NXPH3: variants seen among roughly 807,000 people sequenced by gnomAD.
NXPH3 encodes neurexophilin-3.
NXPH3 carries 7 observed loss-of-function variants against 18.8 expected under a neutral mutation model. That is an observed-to-expected ratio of 0.37 (90% CI 0.21 to 0.70). The LOEUF is 0.70. Among genes scored for constraint, NXPH3 ranks in the 30% least tolerant of loss-of-function variants. The pLI, the probability that NXPH3 is intolerant of heterozygous loss-of-function variation, is 0.53. For synonymous variants in NXPH3, 101 were observed against 137.3 expected (o/e 0.74, Z 1.85); for missense variants, 282 against 338.1 (o/e 0.83, Z 1.30).
In NXPH3 at chr17:49,579,196, G is replaced by C. The variant is rs753400852; in HGVS notation, c.655G>C (p.Val219Leu). 6.2e-7 allele frequency: 1 copy of C among 1,611,384 alleles called. No homozygotes were observed. The highest frequency in any genetic ancestry group is 2.2e-5 in the East Asian group (1 of 44,888). Residue 219 changes from valine to leucine, a missense_variant, in exon 2 of 2, where the codon GTC becomes CTC. Val to Leu is a conservative substitution (Grantham distance 32, BLOSUM62 1). Coordinates refer to ENST00000328741, the MANE Select transcript of NXPH3 (RefSeq NM_007225.4). The surrounding 1 kb of genome is among the most constrained non-coding windows in gnomAD (Gnocchi z 6.0). ...GAGCTGCTCCCAGCCCTTCAAAGTC[G>C]TCTGTGTCTACATCGCCTTCTACAG... is the stretch of plus-strand genomic sequence containing the variant. ...TWSCSQPFKV[V>L]CVYIAFYSTD...
Position 49,581,682 on chromosome 17 carries a change from C to A in NXPH3, c.*2382C>A. The A allele has an allele frequency of 1.4e-6, 1 of 702,612 alleles. No homozygotes were observed. The highest frequency in any genetic ancestry group is 2.6e-6 in the Non-Finnish European group (1 of 385,006). 43.5% of individuals were successfully genotyped at this position (702,612 alleles called of 1,614,324 possible). On this transcript the variant is annotated 3_prime_UTR_variant, in exon 2 of 2. Transcript: ENST00000328741. ...GGAGCAGCCCACCAATGGACACCCA[C>A]CGTGTGCCGTTCAGCCTCCCACAGT... is the stretch of plus-strand genomic sequence containing the variant.
rs1282405300 is a variant in NXPH3, at chr17:49,578,299, C to T, written c.55-297C>T. 6.6e-6 allele frequency among the ~76,000 whole-genome samples: 1 copy of T among 151,874 alleles called. No individual in the cohort carries two copies. The highest frequency in any genetic ancestry group is 1.5e-5 in the Non-Finnish European group (1 of 67,998). ...CTGGGGACTCCCTAGGGGTAGGAGC[C>T]GTTGTCCCTGGTGCCACAGTTCACT... On this transcript the variant is annotated intron_variant, in intron 1 of 1. Coordinates refer to ENST00000328741, the MANE Select transcript of NXPH3 (RefSeq NM_007225.4). This position sits in a 1 kb window ranked among gnomAD's most constrained non-coding sequence, Gnocchi z 4.5.
rs2071586187 is a variant in NXPH3 at position 49,579,048 on chromosome 17, C to T, written c.507C>T (p.Ala169=). The change falls in exon 2 of 2, where the codon GCC becomes GCT. Residue 169 remains alanine, a synonymous_variant. Coordinates refer to ENST00000328741, the MANE Select transcript of NXPH3 (RefSeq NM_007225.4). The surrounding 1 kb of genome is among the most constrained non-coding windows in gnomAD (Gnocchi z 6.0). ...AGCAGATCTTCATCGAAGCCAAGGCCTCCAAAATCTTCAACTGCCGGATGG... is the reference window on the plus strand; with the variant it reads ...AGCAGATCTTCATCGAAGCCAAGGCTTCCAAAATCTTCAACTGCCGGATGG... ...QEQQIFIEAK[A]SKIFNCRMEW... 3 of 1,614,028 alleles carry T rather than the reference C, an allele frequency of 1.9e-6. No individual in the cohort carries two copies. The highest frequency in any genetic ancestry group is 1.7e-5 in the Admixed American group (1 of 60,002).
Position 49,578,505 on chromosome 17 carries a change from G to A in NXPH3, c.55-91G>A, listed in dbSNP as rs1400486051. 21 of 1,034,448 alleles carry A rather than the reference G, an allele frequency of 2.0e-5. No homozygotes were observed. Among genetic ancestry groups the A allele is most frequent in the Non-Finnish European group, 3.0e-5 (21 of 711,434 alleles). The allele number at this position is 1,034,448 out of a possible 1,614,324, so 64.1% of individuals were successfully genotyped here. A position where few individuals can be genotyped will look rare whatever the true frequency, so the allele number is the denominator to read the frequency against. ...GCAGGAGCTCCTCACCCAGGTCAGA[G>A]TGAAGTGGCAGGGACAGGGGTACTG... On this transcript the variant is annotated intron_variant, in intron 1 of 1. Coordinates refer to ENST00000328741, the MANE Select transcript of NXPH3 (RefSeq NM_007225.4). This position sits in a 1 kb window ranked among gnomAD's most constrained non-coding sequence, Gnocchi z 4.5.
Position 49,576,110 on chromosome 17 carries a change from G to T in NXPH3, c.-110G>T. 1.4e-6 allele frequency: 2 copies of T among 1,388,202 alleles called. No individual in the cohort carries two copies. Among genetic ancestry groups the T allele is most frequent in the Non-Finnish European group, 2.0e-6 (2 of 1,007,050 alleles). 86.0% of individuals were successfully genotyped at this position (1,388,202 alleles called of 1,614,324 possible). A position where few individuals can be genotyped will look rare whatever the true frequency, so the allele number is the denominator to read the frequency against. On this transcript the variant is annotated 5_prime_UTR_variant, in exon 1 of 2. Transcript: ENST00000328741. ...CCCGCTGAGGGGAGGGCCGCGGGCC[G>T]CCGGGGACTGGAGCATGGGACGGCG... is the stretch of plus-strand genomic sequence containing the variant.
At position 49,581,731 on chromosome 17, in the gene NXPH3, G is replaced by A. The variant is rs1205932150; in HGVS notation, c.*2431G>A. On this transcript the variant is annotated 3_prime_UTR_variant, in exon 2 of 2. Coordinates refer to ENST00000328741, the MANE Select transcript of NXPH3 (RefSeq NM_007225.4). ...GTGCTGTGGAGACTGCAGGAAGGAG[G>A]AGGAAGCAATGGGGCCAGAGGCCCT... 2 of 702,426 alleles carry A rather than the reference G, an allele frequency of 2.8e-6. No homozygotes were observed. The highest frequency in any genetic ancestry group is 1.7e-5 in the African/African-American group (1 of 57,260). 43.5% of individuals were successfully genotyped at this position (702,426 alleles called of 1,614,324 possible).
chr17:49,576,012 G>C lies in NXPH3; in HGVS notation c.-208G>C. 1.8e-6 allele frequency: 1 copy of C among 540,764 alleles called. No individual in the cohort carries two copies. Among genetic ancestry groups the C allele is most frequent in the Non-Finnish European group, 3.2e-6 (1 of 314,614 alleles). 33.5% of individuals were successfully genotyped at this position (540,764 alleles called of 1,614,324 possible). A position where few individuals can be genotyped will look rare whatever the true frequency, so the allele number is the denominator to read the frequency against. On this transcript the variant is annotated 5_prime_UTR_variant, in exon 1 of 2. Coordinates refer to ENST00000328741, the MANE Select transcript of NXPH3 (RefSeq NM_007225.4). ...GGACCTCGAGCGGGGGCCGTGCCGC[G>C]CGCAGCTGGACCAGGGGAGGGGGGC...
chr17:49,576,386 T>C, intron 1 of NXPH3, 113 bp downstream of exon 1: 1 of 1,186,228 alleles, frequency 8.4e-7, no homozygotes, highest in Non-Finnish European at 1.2e-6. Context: ...ATCCCGGGGA[T>C]GGCGGGGAAG....
intron 1 of NXPH3, among the ~76,000 whole-genome samples, chr17:49,576,753 GCTCC>G (rs2071573256): frequency 1.7e-5 from 1 of 58,496 alleles, no homozygotes; most frequent in African/African-American, 6.8e-5. Context: ...CTTCCCTCCC[GCTCC>G]CTCCCTCCCC....
At position 49,582,652 on chromosome 17, in the gene NXPH3, AC is replaced by A. The variant is rs765667830; in HGVS notation, c.*3353del. On this transcript the variant is annotated 3_prime_UTR_variant, in exon 2 of 2. Transcript: ENST00000328741. The stretch of plus-strand genomic sequence containing the variant: ...CAGAAGCTATGCCTCCCCTCATCAG[AC>A]TGGAGTCTCCCTGAGGGCAAGAACT... The A allele has an allele frequency of 2.0e-5, 3 of 152,080 alleles. No individual in the cohort carries two copies. The highest frequency in any genetic ancestry group is 4.4e-5 in the Non-Finnish European group (3 of 68,020). 9.4% of individuals were successfully genotyped at this position (152,080 alleles called of 1,614,324 possible).
rs1239360769 is a variant in NXPH3 at position 49,578,812 on chromosome 17, C to T, written c.271C>T (p.Pro91Ser). Reference sequence around the variant, plus strand: ...CCCCAACCGCCCGAACCACAGCCCCCCACCCTCAGCCAAGGTGAAGAAAAT... The same window carrying T: ...CCCCAACCGCCCGAACCACAGCCCCTCACCCTCAGCCAAGGTGAAGAAAAT... ...QPPNRPNHSP[P>S]PSAKVKKIFG... Residue 91 changes from proline (P) to serine (S), a missense_variant, in exon 2 of 2, where the codon CCA becomes TCA. Physicochemically the swap from Pro to Ser is moderately conservative, Grantham distance 74. Coordinates refer to ENST00000328741, the MANE Select transcript of NXPH3 (RefSeq NM_007225.4). The surrounding 1 kb of genome is among the most constrained non-coding windows in gnomAD (Gnocchi z 4.5). The T allele has an allele frequency of 6.2e-7, 1 of 1,613,996 alleles. No homozygotes were observed.
At position 49,576,038 on chromosome 17, in the gene NXPH3, G is replaced by T. The variant is rs1313021714; in HGVS notation, c.-182G>T. On this transcript the variant is annotated 5_prime_UTR_variant, in exon 1 of 2. Coordinates refer to ENST00000328741, the MANE Select transcript of NXPH3 (RefSeq NM_007225.4). ...CGCAGCTGGACCAGGGGAGGGGGGC[G>T]GCGGCTGCACAGCTGGACCGAAGGG... is the stretch of plus-strand genomic sequence containing the variant. 3.3e-6 allele frequency: 2 copies of T among 611,702 alleles called. No homozygotes were observed. The highest frequency in any genetic ancestry group is 3.0e-5 in the East Asian group (1 of 33,078). The allele number at this position is 611,702 out of a possible 1,614,324, so 37.9% of individuals were successfully genotyped here.
In NXPH3 at chr17:49,581,530, G is replaced by T; in HGVS notation, c.*2230G>T. Reference sequence around the variant, plus strand: ...GGTTACAGCCCACCTTGTAGGAAATGACCCAGCTTGTTTCCCCCACATCAT... The same window carrying T: ...GGTTACAGCCCACCTTGTAGGAAATTACCCAGCTTGTTTCCCCCACATCAT... On this transcript the variant is annotated 3_prime_UTR_variant, in exon 2 of 2. Coordinates refer to ENST00000328741, the MANE Select transcript of NXPH3 (RefSeq NM_007225.4). 2 of 660,642 alleles carry T rather than the reference G, an allele frequency of 3.0e-6. No individual in the cohort carries two copies. Among genetic ancestry groups the T allele is most frequent in the South Asian group, 1.7e-5 (1 of 59,238 alleles). The allele number at this position is 660,642 out of a possible 1,614,324, so 40.9% of individuals were successfully genotyped here.
At position 49,581,744 on chromosome 17, in the gene NXPH3, G is replaced by A; in HGVS notation, c.*2444G>A. Reference sequence around the variant, plus strand: ...TGCAGGAAGGAGGAGGAAGCAATGGGGCCAGAGGCCCTGGGCGCCCTCCCC... The same window carrying A: ...TGCAGGAAGGAGGAGGAAGCAATGGAGCCAGAGGCCCTGGGCGCCCTCCCC... On this transcript the variant is annotated 3_prime_UTR_variant, in exon 2 of 2. Coordinates refer to ENST00000328741, the MANE Select transcript of NXPH3 (RefSeq NM_007225.4). 2 of 702,394 alleles carry A rather than the reference G, an allele frequency of 2.8e-6. No individual in the cohort carries two copies. Among genetic ancestry groups the A allele is most frequent in the Non-Finnish European group, 5.2e-6 (2 of 384,914 alleles). 43.5% of individuals were successfully genotyped at this position (702,394 alleles called of 1,614,324 possible).
rs1456817170 is a variant in NXPH3 at position 49,576,280 on chromosome 17, G to A, written c.54+7G>A. ...GCAGGGTAGCCTCTATCTGGTGAGT[G>A]GTCCGAGGGGAGCTGCGCAGAGGGG... is the stretch of plus-strand genomic sequence containing the variant. On this transcript the variant is annotated splice_region_variant and intron_variant, in intron 1 of 1. Coordinates refer to ENST00000328741, the MANE Select transcript of NXPH3 (RefSeq NM_007225.4). 1.3e-6 allele frequency: 2 copies of A among 1,564,502 alleles called. No individual in the cohort carries two copies. The highest frequency in any genetic ancestry group is 1.2e-5 in the South Asian group (1 of 84,976).
chr17:49,578,617 G>T lies in NXPH3; in HGVS notation c.76G>T (p.Gly26Cys). 2 of 1,570,182 alleles carry T rather than the reference G, an allele frequency of 1.3e-6. No individual in the cohort carries two copies. The highest frequency in any genetic ancestry group is 1.7e-6 in the Non-Finnish European group (2 of 1,160,034). The change falls in exon 2 of 2, where the codon GGT becomes TGT. Residue 26 changes from glycine to cysteine, a missense_variant. By Grantham distance (159) the Gly-to-Cys change is radical. Transcript: ENST00000328741. This position sits in a 1 kb window ranked among gnomAD's most constrained non-coding sequence, Gnocchi z 4.5. ...LYLVICGQDDGPPGSEDPERD... is the reference protein window; with the variant it reads ...LYLVICGQDDCPPGSEDPERD... ...ATAGGTCATCTGTGGCCAGGATGAT[G>T]GTCCTCCCGGCTCAGAGGACCCTGA...
rs1180571753 is a variant in NXPH3, at chr17:49,578,761, G to A, written c.220G>A (p.Glu74Lys). 7 of 1,613,684 alleles carry A rather than the reference G, an allele frequency of 4.3e-6. No individual in the cohort carries two copies. In the South Asian group the frequency reaches 6.6e-5, roughly 15 times the overall value. The change falls in exon 2 of 2, where the codon GAG becomes AAG. Residue 74 changes from glutamate (E) to lysine (K), a missense_variant. Transcript: ENST00000328741. This position sits in a 1 kb window ranked among gnomAD's most constrained non-coding sequence, Gnocchi z 4.5. ...CCTAGGGCTGCTGGCCCCGCCTGGG[G>A]AGGCTTGGGGCATTCTTGGGCAGCC... ...TLLGLLAPPG[E>K]AWGILGQPPN...
At position 49,582,603 on chromosome 17, in the gene NXPH3, C is replaced by G. The variant is rs999770066; in HGVS notation, c.*3303C>G. The stretch of plus-strand genomic sequence containing the variant: ...CCCTGATGTCAGGGGCTGGATGGCC[C>G]CTTAGACTGGGGGTCCCTGAGGGCA... On this transcript the variant is annotated 3_prime_UTR_variant, in exon 2 of 2. Coordinates refer to ENST00000328741, the MANE Select transcript of NXPH3 (RefSeq NM_007225.4). 6.6e-6 allele frequency: 1 copy of G among 152,284 alleles called. No individual in the cohort carries two copies. The highest frequency in any genetic ancestry group is 1.9e-4 in the East Asian group (1 of 5,182). 9.4% of individuals were successfully genotyped at this position (152,284 alleles called of 1,614,324 possible).
rs758990294 is a variant in NXPH3, at chr17:49,579,068, G to C, written c.527G>C (p.Arg176Pro). The change falls in exon 2 of 2, where the codon CGG becomes CCG. Residue 176 changes from arginine (R) to proline (P), a missense_variant. Arg to Pro is a moderately radical substitution (Grantham distance 103, BLOSUM62 -2). Coordinates refer to ENST00000328741, the MANE Select transcript of NXPH3 (RefSeq NM_007225.4). This position sits in a 1 kb window ranked among gnomAD's most constrained non-coding sequence, Gnocchi z 6.0. ...EAKASKIFNCRMEWEKVERGR... is the reference protein window; with the variant it reads ...EAKASKIFNCPMEWEKVERGR... ...AAGGCCTCCAAAATCTTCAACTGCC[G>C]GATGGAGTGGGAGAAGGTAGAACGG... is the stretch of plus-strand genomic sequence containing the variant. 2 of 1,614,112 alleles carry C rather than the reference G, an allele frequency of 1.2e-6. No homozygotes were observed. Among genetic ancestry groups the C allele is most frequent in the Non-Finnish European group, 1.7e-6 (2 of 1,180,034 alleles).
Sources: allele counts gnomAD v4.1 joint callset (sites outside exome capture counted in the v4.1 genomes callset), GRCh38; gene constraint gnomAD v4.1.1; non-coding constraint Gnocchi (gnomAD v3.1); transcripts MANE v1.5; gene names NCBI Gene and HGNC (gene_info 2026-07-23, HGNC 2026-07-21).